The following LRRC4C variants were observed in gnomAD, a reference collection of about 807,000 sequenced individuals.
LRRC4C encodes the protein leucine-rich repeat-containing protein 4C.
Under a neutral mutation model 33.6 loss-of-function variants are expected in LRRC4C, and 5 were observed. That is an observed-to-expected ratio of 0.15 (90% confidence interval 0.08 to 0.31). LRRC4C has a LOEUF of 0.31. LRRC4C is among the 10% of genes least tolerant of loss of function. The pLI is 1.00. For synonymous variants in LRRC4C, 329 were observed against 302.0 expected (o/e 1.09, Z -0.93); for missense variants, 560 against 796.7 (o/e 0.70, Z 3.58).
At chr11:40,625,199 T>G (rs11035969) in intron 3 of LRRC4C, among the ~76,000 whole-genome samples, 73,186 of 152,018 alleles carry the variant, frequency 0.48, 17,903 homozygotes, top group East Asian at 0.74. Context: ...ATGCTCTTAA[T>G]CACTGTTATA....
intron 3 of LRRC4C, among the ~76,000 whole-genome samples, chr11:40,406,062 G>A (rs973949651): frequency 6.6e-6 from 1 of 152,084 alleles, no homozygotes; most frequent in Non-Finnish European, 1.5e-5. Context: ...TACATCCACA[G>A]ATCACTGCGG....
intron 3 of LRRC4C, among the ~76,000 whole-genome samples, chr11:40,364,904 T>TA (rs949765381): frequency 2.7e-4 from 41 of 151,654 alleles, no homozygotes; most frequent in Middle Eastern, 3.4e-3. Flanking sequence ...AAACACTGAT[T>TA]AAAAAATACA....
chr11:40,660,803 T>C (rs1429833550), intron 2 of LRRC4C, among the ~76,000 whole-genome samples: 1 of 152,172 alleles, frequency 6.6e-6, no homozygotes, highest in East Asian at 1.9e-4. Flanking sequence ...AAGAATATAT[T>C]CTCACCGTGT....
intron 1 of LRRC4C, among the ~76,000 whole-genome samples, chr11:41,129,327 G>T (rs904224418): frequency 6.6e-6 from 1 of 151,708 alleles, no homozygotes; most frequent in Non-Finnish European, 1.5e-5. Context: ...CCCATATATT[G>T]GTGGAAGTAT....
chr11:40,189,553 A>G (rs374276282), intron 5 of LRRC4C, among the ~76,000 whole-genome samples: 1 of 152,234 alleles, frequency 6.6e-6, no homozygotes, highest in Admixed American at 6.5e-5. Context: ...TGATAGAAAC[A>G]TAATTAGCAA....
rs570909496 is a variant in LRRC4C, at chr11:40,765,349, C to T, written c.-406-117071G>A. 1.5e-3 allele frequency among the ~76,000 whole-genome samples: 223 copies of T among 152,276 alleles called. 2 individuals are homozygous for T. The highest frequency in any genetic ancestry group is 5.2e-3 in the African/African-American group (218 of 41,566). ...ATGTAAGATGTGCCTGCTTACCTTC[C>T]ACCTTCTCCCATAATTGTAAGTTTC... On this transcript the variant is annotated intron_variant, in intron 2 of 6. Transcript: ENST00000528697.
At chr11:40,545,056 G>A (rs1956860226) in intron 3 of LRRC4C, among the ~76,000 whole-genome samples, 1 of 151,694 alleles carries the variant, frequency 6.6e-6, no homozygotes, top group African/African-American at 2.4e-5. Flanking sequence ...ATTTCCTTCT[G>A]GCTTTTAAGA....
intron 3 of LRRC4C, among the ~76,000 whole-genome samples, chr11:40,329,570 A>G (rs928953383): frequency 1.3e-5 from 2 of 152,254 alleles, no homozygotes; most frequent in East Asian, 3.9e-4. Flanking sequence ...GGTAGGGTTG[A>G]CAGGAAACAG....
rs569993004 is a variant in LRRC4C, at chr11:40,210,495, A to G, written c.-96+31024T>C. 2.6e-5 allele frequency among the ~76,000 whole-genome samples: 4 copies of G among 152,320 alleles called. No individual in the cohort carries two copies. In the South Asian group the frequency reaches 8.3e-4, roughly 32 times the overall value. On this transcript the variant is annotated intron_variant, in intron 5 of 6. Transcript: ENST00000528697. ...GAAAATGAACAGTAAAAGAGTGTTC[A>G]GCTTTCTATTTTGCTTTACCTGCTG... is the stretch of plus-strand genomic sequence containing the variant.
intron 3 of LRRC4C, among the ~76,000 whole-genome samples, chr11:40,342,110 CCA>C (rs1946896086): frequency 6.6e-6 from 1 of 152,060 alleles, no homozygotes; most frequent in Non-Finnish European, 1.5e-5. Context: ...TTAAACATCT[CCA>C]GTTTTTCCCC....
At chr11:40,955,479 A>G (rs1025128772) in intron 1 of LRRC4C, among the ~76,000 whole-genome samples, 2 of 151,832 alleles carry the variant, frequency 1.3e-5, no homozygotes, top group Non-Finnish European at 1.5e-5. Flanking sequence ...TTTTTAGAAG[A>G]TATAAAGTGG....
chr11:40,971,940 T>G (rs1024103249), intron 1 of LRRC4C, among the ~76,000 whole-genome samples: 2 of 152,198 alleles, frequency 1.3e-5, no homozygotes, highest in East Asian at 3.9e-4. Context: ...TTTTGGTTGA[T>G]TTCTCATTTT....
chr11:40,147,746 T>TCTTTTC (rs1857863902), intron 5 of LRRC4C, among the ~76,000 whole-genome samples: 1 of 152,198 alleles, frequency 6.6e-6, no homozygotes, highest in East Asian at 1.9e-4. Context: ...TTTTTCTTTT[T>TCTTTTC]ATGTAACTTT....
chr11:40,593,500 C>G (rs1248622085), intron 3 of LRRC4C, among the ~76,000 whole-genome samples: 3 of 152,134 alleles, frequency 2.0e-5, no homozygotes, highest in Admixed American at 2.0e-4. Context: ...ACAACACACA[C>G]ATGTATGTAC....
chr11:41,052,333 GA>G (rs1055368888), intron 1 of LRRC4C, among the ~76,000 whole-genome samples: 5 of 151,936 alleles, frequency 3.3e-5, no homozygotes, highest in African/African-American at 1.2e-4. Flanking sequence ...CAAGTCTAAA[GA>G]AAAAAATAAT....
At chr11:41,074,082 T>C (rs1222199398) in intron 1 of LRRC4C, among the ~76,000 whole-genome samples, 1 of 152,254 alleles carries the variant, frequency 6.6e-6, no homozygotes, top group African/African-American at 2.4e-5. Context: ...AAATATTTGA[T>C]ATCTGTCATA....
intron 2 of LRRC4C, among the ~76,000 whole-genome samples, chr11:40,913,430 T>A (rs1489833947): frequency 1.3e-5 from 2 of 151,942 alleles, no homozygotes; most frequent in African/African-American, 2.4e-5. Context: ...AAATGAACAA[T>A]CTACTCCTGA....
At chr11:40,348,125 G>A (rs980637057) in intron 3 of LRRC4C, among the ~76,000 whole-genome samples, 5 of 152,018 alleles carry the variant, frequency 3.3e-5, no homozygotes, top group Non-Finnish European at 7.4e-5. Context: ...AGATCACAGA[G>A]CACCATAACA....
In LRRC4C at chr11:40,173,143, C is replaced by T. The variant is rs1046167861; in HGVS notation, c.-95-32290G>A. 6.6e-5 allele frequency among the ~76,000 whole-genome samples: 10 copies of T among 152,288 alleles called. No homozygotes were observed. In the South Asian group the frequency reaches 1.5e-3, roughly 22 times the overall value. On this transcript the variant is annotated intron_variant, in intron 5 of 6. Coordinates refer to ENST00000528697, the MANE Select transcript of LRRC4C (RefSeq NM_001258419.2). ...AGAGAGTACACGGCTCTGATGGCAC[C>T]TTGACTTTGAATTTGTACCCTCCAG...
Sources: gnomAD v4.1 joint callset for allele counts (sites outside exome capture counted in the v4.1 genomes callset) on GRCh38, gnomAD v4.1.1 for gene constraint, MANE v1.5 for transcripts, NCBI Gene and HGNC (gene_info 2026-07-23, HGNC 2026-07-21) for gene names.